ELP1: variants seen among roughly 807,000 people sequenced by gnomAD.
ELP1 encodes elongator complex protein 1.
A neutral mutation model predicts 183.2 loss-of-function variants in ELP1; 131 were observed. The ratio of observed to expected loss-of-function variants is 0.72; its 90% CI spans 0.62 to 0.83. The LOEUF is 0.83. Ranked by LOEUF, ELP1 falls within the 40% of genes least tolerant of loss-of-function variation. ELP1 has a pLI of 0.00. For missense variants in ELP1, 1,550 were observed against 1,594.9 expected (o/e 0.97, Z 0.48); for synonymous variants, 555 against 569.0 (o/e 0.98, Z 0.35).
In ELP1 at chr9:108,897,285, T is replaced by A. The variant is rs1384891650; in HGVS notation, c.2364A>T (p.Lys788Asn). The A allele has an allele frequency of 2.5e-6, 4 of 1,613,960 alleles. No individual in the cohort carries two copies. In the Admixed American group the frequency reaches 6.7e-5, roughly 27 times the overall value. Residue 788 changes from lysine (K) to asparagine (N), a missense_variant and splice_region_variant, in exon 23 of 37, where the codon AAA becomes AAT. Lys to Asn is a moderately conservative substitution (Grantham distance 94). Transcript: ENST00000374647. ...NHINLFFTEL[K>N]EEDVTKTMYP... ...ACATGGTCTTCGTGACATCTTCTTC[T>A]CTAAGAACAGGTGTGTATGGAATGG... is the stretch of plus-strand genomic sequence containing the variant.
intron 35 of ELP1, among the ~76,000 whole-genome samples, chr9:108,875,216 G>A (rs1023192770): frequency 2.0e-5 from 3 of 152,156 alleles, no homozygotes; most frequent in African/African-American, 7.2e-5. Context: ...GAAAAGAAAC[G>A]AAACTCTACA....
chr9:108,924,267 T>C (rs138252385), intron 5 of ELP1, among the ~76,000 whole-genome samples: 156 of 152,262 alleles, frequency 1.0e-3, no homozygotes, highest in African/African-American at 3.6e-3. Context: ...ACATTAGAAT[T>C]GAGCAGCTGC....
chr9:108,913,123 A>G (rs1055300252), intron 10 of ELP1, among the ~76,000 whole-genome samples: 2 of 152,170 alleles, frequency 1.3e-5, no homozygotes, highest in African/African-American at 4.8e-5. Flanking sequence ...ACCAGGAAAA[A>G]GCATTCTTTT....
At chr9:108,933,009 A>G (rs1402609166) in intron 1 of ELP1, among the ~76,000 whole-genome samples, 1 of 152,184 alleles carries the variant, frequency 6.6e-6, no homozygotes, top group Non-Finnish European at 1.5e-5. Flanking sequence ...ATGCATGATT[A>G]CATATACCAG....
In ELP1 at chr9:108,878,146, T is replaced by C; in HGVS notation, c.3704A>G (p.Glu1235Gly). The C allele has an allele frequency of 6.2e-7, 1 of 1,604,644 alleles. No individual in the cohort carries two copies. The highest frequency in any genetic ancestry group is 8.5e-7 in the Non-Finnish European group (1 of 1,171,384). ...VVQNTENLKDEVYHILKVLFL... is the reference protein window; with the variant it reads ...VVQNTENLKDGVYHILKVLFL... Reference sequence around the variant, plus strand: ...GAGTACCTTTAAAATATGGTATACTTCATCTAGAGAGAAGAAATTTGAAAG... The same window carrying C: ...GAGTACCTTTAAAATATGGTATACTCCATCTAGAGAGAAGAAATTTGAAAG... The change falls in exon 35 of 37, where the codon GAA becomes GGA. Residue 1235 changes from glutamate to glycine, a missense_variant. Coordinates refer to ENST00000374647, the MANE Select transcript of ELP1 (RefSeq NM_003640.5).
chr9:108,923,089 G>A (rs1219928181), intron 5 of ELP1, among the ~76,000 whole-genome samples, 162 bp from the exon 6 acceptor site: 1 of 152,212 alleles, frequency 6.6e-6, no homozygotes, highest in African/African-American at 2.4e-5. Flanking sequence ...TATGTTTCAG[G>A]CTGGGCATGG....
intron 2 of ELP1, 57 bp from the exon 3 acceptor site, chr9:108,929,978 T>C (rs756469715): frequency 6.4e-7 from 1 of 1,567,846 alleles, no homozygotes; most frequent in Non-Finnish European, 8.8e-7. Flanking sequence ...GAATAATTGA[T>C]AACATTTCCA....
intron 12 of ELP1, among the ~76,000 whole-genome samples, chr9:108,909,992 T>G (rs1401815121): frequency 6.6e-6 from 1 of 152,248 alleles, no homozygotes; most frequent in East Asian, 1.9e-4. Context: ...AACCATTGAA[T>G]TGTACACTTT....
intron 29 of ELP1, among the ~76,000 whole-genome samples, chr9:108,888,398 T>C (rs1828207017): frequency 6.6e-6 from 1 of 152,248 alleles, no homozygotes; most frequent in Non-Finnish European, 1.5e-5. Flanking sequence ...AGCTTTATTA[T>C]ATGTAAATTA....
rs562589721 is a variant in ELP1 at position 108,885,618 on chromosome 9, A to G, written c.3223-3431T>C. ...ATATCTCCCAAGAGCTGGGAGAAAG[A>G]GCTGAGCTGTCAGGTGTTGGAGTAG... On this transcript the variant is annotated intron_variant, in intron 29 of 36. Coordinates refer to ENST00000374647, the MANE Select transcript of ELP1 (RefSeq NM_003640.5). Among the ~76,000 whole-genome samples, 11 of 152,334 alleles carry G rather than the reference A, an allele frequency of 7.2e-5. 1 individual carries two copies. Among genetic ancestry groups the G allele is most frequent in the African/African-American group, 2.6e-4 (11 of 41,570 alleles).
Position 108,902,826 on chromosome 9 carries a change from CG to C in ELP1, c.1854+12del, listed in dbSNP as rs761583074. 3 of 1,594,488 alleles carry C rather than the reference CG, an allele frequency of 1.9e-6. No individual in the cohort carries two copies. The highest frequency in any genetic ancestry group is 2.6e-6 in the Non-Finnish European group (3 of 1,162,220). Reference sequence around the variant, plus strand: ...ACTACTTTAAGTAAATTTCCTGCTCCGTGTTCACCTACCTCTTCTCCAATCA... The same window carrying C: ...ACTACTTTAAGTAAATTTCCTGCTCCTGTTCACCTACCTCTTCTCCAATCA... On this transcript the variant is annotated intron_variant, in intron 16 of 36. Coordinates refer to ENST00000374647, the MANE Select transcript of ELP1 (RefSeq NM_003640.5).
At chr9:108,899,224 C>G (rs1828676718) in intron 20 of ELP1, among the ~76,000 whole-genome samples, 1 of 151,818 alleles carries the variant, frequency 6.6e-6, no homozygotes, top group Admixed American at 6.6e-5. Context: ...TGCTTGAACC[C>G]AGAAGGCAGA....
rs565833549 is a variant in ELP1, at chr9:108,899,570, C to G, written c.2204+252G>C. Among the ~76,000 whole-genome samples the G allele has an allele frequency of 2.6e-5, 4 of 151,992 alleles. No individual in the cohort carries two copies. The South Asian group carries it at 8.3e-4, about 32-fold the overall frequency. ...AGGCCACCTAAAACCCACATGTGTTCCCTCAGGTTAAGAGAAGCCCTCCTT... is the reference window on the plus strand; with the variant it reads ...AGGCCACCTAAAACCCACATGTGTTGCCTCAGGTTAAGAGAAGCCCTCCTT... On this transcript the variant is annotated intron_variant, in intron 20 of 36. Transcript: ENST00000374647.
At chr9:108,881,796 G>A in intron 30 of ELP1, 31 bp from the exon 31 acceptor site, 2 of 1,271,128 alleles carry the variant, frequency 1.6e-6, no homozygotes, top group South Asian at 2.4e-5. Context: ...ATTTTAGGAA[G>A]GAAAACTTCT....
chr9:108,932,991 G>C (rs1830049370), intron 1 of ELP1, among the ~76,000 whole-genome samples: 2 of 152,106 alleles, frequency 1.3e-5, no homozygotes, highest in Admixed American at 1.3e-4. Flanking sequence ...CTCTTGGCTA[G>C]ACATCACATG....
In ELP1 at chr9:108,922,888, T is replaced by C. The variant is rs1829698114; in HGVS notation, c.506A>G (p.Gln169Arg). Residue 169 changes from glutamine (Q) to arginine (R), a missense_variant, in exon 6 of 37, where the codon CAG (glutamine) becomes CGG (arginine). Gln to Arg is a conservative substitution (Grantham distance 43). Transcript: ENST00000374647. ...ITVGWGRKET[Q>R]FHGSEGRQAA... is the part of the protein sequence containing the mutation. ...TTGTCTGCCTTCTGATCCATGGAACTGTGTCTCCTTCCTACCCCATCCAAC... is the reference window on the plus strand; with the variant it reads ...TTGTCTGCCTTCTGATCCATGGAACCGTGTCTCCTTCCTACCCCATCCAAC... The C allele has an allele frequency of 6.2e-7, 1 of 1,613,978 alleles. No homozygotes were observed. Among genetic ancestry groups the C allele is most frequent in the African/African-American group, 1.3e-5 (1 of 74,948 alleles).
chr9:108,886,186 G>C (rs1289113497), intron 29 of ELP1, among the ~76,000 whole-genome samples: 2 of 152,152 alleles, frequency 1.3e-5, no homozygotes, highest in African/African-American at 2.4e-5. Flanking sequence ...TGGCCTCCTA[G>C]GTAAAGTCTG....
intron 22 of ELP1, among the ~76,000 whole-genome samples, chr9:108,897,716 T>G (rs1404501631): frequency 1.3e-5 from 2 of 152,196 alleles, no homozygotes; most frequent in East Asian, 3.9e-4. Context: ...AAAACTGATT[T>G]ATGGTAAAAA....
At chr9:108,887,435 T>C (rs1214270870) in intron 29 of ELP1, among the ~76,000 whole-genome samples, 1 of 152,146 alleles carries the variant, frequency 6.6e-6, no homozygotes, top group African/African-American at 2.4e-5. Context: ...TTTGTTGATG[T>C]AGAAAATCCT....
Sources: allele counts gnomAD v4.1 joint callset (sites outside exome capture counted in the v4.1 genomes callset), GRCh38; gene constraint gnomAD v4.1.1; transcripts MANE v1.5; gene names NCBI Gene and HGNC (gene_info 2026-07-23, HGNC 2026-07-21).